NRK: variants seen among roughly 807,000 people sequenced by gnomAD.
NRK encodes nik-related protein kinase.
NRK carries 67 observed loss-of-function variants against 125.2 expected under a neutral mutation model. The ratio of observed to expected loss-of-function variants is 0.54; its 90% CI spans 0.44 to 0.66. The LOEUF (loss-of-function observed/expected upper bound fraction) is 0.66. Ranked by LOEUF, NRK falls within the 30% of genes least tolerant of loss-of-function variation. The pLI is 0.00. For missense variants in NRK, 1,224 were observed against 1,192.9 expected (o/e 1.03, Z -0.38); for synonymous variants, 458 against 429.0 (o/e 1.07, Z -0.84).
Position 105,880,179 on chromosome X carries a change from A to G in NRK, c.124-20A>G, listed in dbSNP as rs1245268675. The stretch of plus-strand genomic sequence containing the variant: ...ATTACCTAGCCAGCATTTGATATTT[A>G]TCACTATCCTGTATTTCAGGGACTT... On this transcript the variant is annotated intron_variant, in intron 2 of 28. Coordinates refer to ENST00000243300, the MANE Select transcript of NRK (RefSeq NM_198465.4). 3 of 942,324 alleles carry G rather than the reference A, an allele frequency of 3.2e-6. No individual in the cohort carries two copies. The highest frequency in any genetic ancestry group is 4.3e-6 in the Non-Finnish European group (3 of 692,922). 77.7% of individuals were successfully genotyped at this position (942,324 alleles called of 1,213,427 possible). A position where few individuals can be genotyped will look rare whatever the true frequency, so the allele number is the denominator to read the frequency against.
intron 26 of NRK, among the ~76,000 whole-genome samples, chrX:105,947,810 G>A (rs1032429220): frequency 4.5e-5 from 5 of 112,118 alleles, no homozygotes; most frequent in Non-Finnish European, 7.5e-5. Context: ...TCTCAGAATT[G>A]TCTCATATGT....
intron 2 of NRK, among the ~76,000 whole-genome samples, chrX:105,833,015 C>A (rs925465794): frequency 1.8e-5 from 2 of 110,643 alleles, no homozygotes; most frequent in African/African-American, 6.6e-5. Flanking sequence ...GGTGACAGAG[C>A]AAGACCTTAT....
chrX:105,923,587 T>C (rs1198542952), intron 18 of NRK, 105 bp downstream of exon 18: 2 of 490,348 alleles, frequency 4.1e-6, no homozygotes, highest in African/African-American at 4.9e-5. Context: ...TGACCTAATT[T>C]CACTTGCATT....
intron 2 of NRK, among the ~76,000 whole-genome samples, chrX:105,836,485 A>C (rs765186681): frequency 6.6e-4 from 74 of 111,752 alleles, no homozygotes; most frequent in Non-Finnish European, 8.9e-4. Context: ...CATTGACTTT[A>C]CCTCTTTTTT....
Position 105,925,007 on chromosome X carries a change from T to C in NRK, c.3288T>C (p.Ser1096=), listed in dbSNP as rs375085015. 12 of 1,205,497 alleles carry C rather than the reference T, an allele frequency of 1.0e-5. No homozygotes were observed. Among genetic ancestry groups the C allele is most frequent in the African/African-American group, 1.7e-5 (1 of 57,151 alleles). The change falls in exon 19 of 29, where the codon TCT becomes TCC. Residue 1096 remains serine (S), a synonymous_variant. Transcript: ENST00000243300. ...TDGPGLKRPA[S]QDFEYLQEEP... ...GTCCAGGATTGAAGAGACCTGCGTC[T>C]CAGGACTTTGAATATCTACAGGAGG...
At chrX:105,945,451 A>G (rs1241503560) in intron 24 of NRK, among the ~76,000 whole-genome samples, 2 of 112,114 alleles carry the variant, frequency 1.8e-5, no homozygotes, top group African/African-American at 3.2e-5. Flanking sequence ...TCTTCTATAA[A>G]TTATACAGAT....
intron 27 of NRK, among the ~76,000 whole-genome samples, chrX:105,952,007 C>G (rs2040905285): frequency 8.9e-6 from 1 of 112,316 alleles, no homozygotes; most frequent in Non-Finnish European, 1.9e-5. Context: ...CCTTATTTCC[C>G]TTATATCTGG....
Position 105,875,879 on chromosome X carries a change from C to T in NRK, c.124-4320C>T, listed in dbSNP as rs1429583126. 7.2e-5 allele frequency among the ~76,000 whole-genome samples: 8 copies of T among 110,697 alleles called. No homozygotes were observed. In the East Asian group the frequency reaches 1.1e-3, roughly 16 times the overall value. ...AGTATTTAAGCAGCAGTTGCTTTTACGATAAGAATGAGAGCTAAGAGAATT... is the reference window on the plus strand; with the variant it reads ...AGTATTTAAGCAGCAGTTGCTTTTATGATAAGAATGAGAGCTAAGAGAATT... On this transcript the variant is annotated intron_variant, in intron 2 of 28. Coordinates refer to ENST00000243300, the MANE Select transcript of NRK (RefSeq NM_198465.4).
At chrX:105,857,694 G>A (rs2147674311) in intron 2 of NRK, among the ~76,000 whole-genome samples, 1 of 110,995 alleles carries the variant, frequency 9.0e-6, no homozygotes, top group South Asian at 3.8e-4. Context: ...ATAGCTAATA[G>A]CATGACTAAG....
chrX:105,953,296 G>A, intron 28 of NRK, 123 bp downstream of exon 28: 1 of 515,414 alleles, frequency 1.9e-6, no homozygotes. Flanking sequence ...TTTTCAAACT[G>A]GCATACTATT....
chrX:105,921,606 C>T (rs1569312488), intron 16 of NRK, among the ~76,000 whole-genome samples: 1 of 109,583 alleles, frequency 9.1e-6, no homozygotes, highest in African/African-American at 3.3e-5. Flanking sequence ...AGTGGTACTC[C>T]CAGTCCTTCC....
chrX:105,888,073 C>G (rs1273756174), intron 4 of NRK, among the ~76,000 whole-genome samples: 1 of 112,451 alleles, frequency 8.9e-6, no homozygotes, highest in Non-Finnish European at 1.9e-5. Flanking sequence ...TTAAGAACCA[C>G]TGAACTAAAC....
At chrX:105,904,262 C>T (rs2040193381) in intron 9 of NRK, among the ~76,000 whole-genome samples, 1 of 111,648 alleles carries the variant, frequency 9.0e-6, no homozygotes, top group Non-Finnish European at 1.9e-5. Context: ...AATCAAAACA[C>T]AAGAGGAAAT....
At chrX:105,923,881 T>G (rs1342631764) in intron 18 of NRK, among the ~76,000 whole-genome samples, 1 of 69,516 alleles carries the variant, frequency 1.4e-5, no homozygotes, top group Non-Finnish European at 2.8e-5. Flanking sequence ...CTCAAACTTT[T>G]GTGATATCAC....
chrX:105,875,592 G>A (rs901224566), intron 2 of NRK, among the ~76,000 whole-genome samples: 7 of 110,497 alleles, frequency 6.3e-5, no homozygotes, highest in Admixed American at 3.9e-4. Flanking sequence ...TGGAGTACCC[G>A]GAAGTATTTT....
chrX:105,849,262 T>C (rs761630703), intron 2 of NRK, among the ~76,000 whole-genome samples: 1 of 111,762 alleles, frequency 8.9e-6, no homozygotes, highest in East Asian at 2.8e-4. Flanking sequence ...ATGAGACTTA[T>C]TCACTATCAT....
Position 105,957,126 on chromosome X carries a change from C to T in NRK, c.*1526C>T, listed in dbSNP as rs1037323452. 4 of 112,217 alleles carry T rather than the reference C, an allele frequency of 3.6e-5. No homozygotes were observed. In the South Asian group the frequency reaches 1.5e-3, roughly 41 times the overall value. The allele number at this position is 112,217 out of a possible 1,213,427, so 9.2% of individuals were successfully genotyped here. ...AACTTACATCAAGAATGTAGTGTAG[C>T]TCATTATTGAGAATTTAGGAAAGCC... On this transcript the variant is annotated 3_prime_UTR_variant, in exon 29 of 29. Transcript: ENST00000243300.
intron 2 of NRK, among the ~76,000 whole-genome samples, chrX:105,869,243 A>G (rs889019486): frequency 1.8e-5 from 2 of 111,613 alleles, no homozygotes; most frequent in South Asian, 3.8e-4. Flanking sequence ...AGGGGCTACA[A>G]TGAGGACTCA....
intron 19 of NRK, among the ~76,000 whole-genome samples, chrX:105,929,567 T>G (rs966609358): frequency 9.0e-6 from 1 of 111,575 alleles, no homozygotes; most frequent in African/African-American, 3.2e-5. Context: ...TTGTTTCTGG[T>G]TTTGTGTATC....
Sources: allele counts gnomAD v4.1 joint callset (sites outside exome capture counted in the v4.1 genomes callset), GRCh38; gene constraint gnomAD v4.1.1; transcripts MANE v1.5; gene names NCBI Gene and HGNC (gene_info 2026-07-23, HGNC 2026-07-21).